The following ENOX2 variants were observed in gnomAD, a reference collection of about 807,000 sequenced individuals.
ENOX2 encodes the protein ecto-NOX disulfide-thiol exchanger 2, also known as APK1 antigen.
In ENOX2, 36 loss-of-function variants were observed where a neutral mutation model predicts 45.0. The observed-to-expected ratio is 0.80, with a 90% CI of 0.61 to 1.06. ENOX2 has a LOEUF of 1.06. Ranked by LOEUF, ENOX2 falls within the 50% of genes least tolerant of loss-of-function variation. ENOX2 has a pLI of 0.00. For synonymous variants in ENOX2, 174 were observed against 152.3 expected (o/e 1.14, Z -1.05); for missense variants, 423 against 462.5 (o/e 0.91, Z 0.78).
intron 3 of ENOX2, among the ~76,000 whole-genome samples, chrX:130,710,514 G>T (rs1371594926): frequency 9.0e-6 from 1 of 111,642 alleles, no homozygotes; most frequent in African/African-American, 3.3e-5. Context: ...GAGGCCAGGG[G>T]TTCTGCTAAA....
At chrX:130,779,491 G>A (rs1209406876) in intron 3 of ENOX2, among the ~76,000 whole-genome samples, 1 of 110,812 alleles carries the variant, frequency 9.0e-6, no homozygotes, top group Non-Finnish European at 1.9e-5. Context: ...GATTCCATTA[G>A]GGCCAGGTAT....
At chrX:130,852,404 A>C (rs1260697650) in intron 2 of ENOX2, among the ~76,000 whole-genome samples, 2 of 112,284 alleles carry the variant, frequency 1.8e-5, no homozygotes, top group Admixed American at 1.9e-4. Context: ...GACACTTTCC[A>C]AGGAGAGAGA....
chrX:130,851,249 T>G (rs2078202496), intron 2 of ENOX2, among the ~76,000 whole-genome samples: 1 of 112,040 alleles, frequency 8.9e-6, no homozygotes, highest in African/African-American at 3.2e-5. Context: ...GCCCTAATTT[T>G]TATTATGATA....
intron 3 of ENOX2, among the ~76,000 whole-genome samples, chrX:130,768,690 G>T (rs765950898): frequency 1.8e-5 from 2 of 111,956 alleles, no homozygotes; most frequent in South Asian, 7.5e-4. Context: ...CTGCTCCACA[G>T]GCAGGGAAGG....
chrX:130,814,277 G>A (rs904993179), intron 2 of ENOX2, among the ~76,000 whole-genome samples: 5 of 112,272 alleles, frequency 4.5e-5, no homozygotes, highest in Admixed American at 1.9e-4. Flanking sequence ...CCATCTCCCC[G>A]GGACAGAGCA....
intron 4 of ENOX2, among the ~76,000 whole-genome samples, chrX:130,693,757 C>A (rs189103914): frequency 2.7e-4 from 30 of 112,248 alleles, no homozygotes; most frequent in African/African-American, 9.1e-4. Context: ...CCCTTTGAAT[C>A]TGGATGGGCT....
intron 3 of ENOX2, chrX:130,709,249 A>G (rs1356594216): frequency 8.3e-7 from 1 of 1,205,171 alleles, no homozygotes; most frequent in Non-Finnish European, 1.1e-6. Context: ...TTACCTGCAT[A>G]GCCTATTTCG....
chrX:130,735,016 T>G (rs960601714), intron 3 of ENOX2, among the ~76,000 whole-genome samples: 2 of 112,418 alleles, frequency 1.8e-5, no homozygotes, highest in African/African-American at 3.2e-5. Flanking sequence ...CTTATGTGAA[T>G]GCCTGCTGCA....
At chrX:130,656,793 C>A in intron 9 of ENOX2, 98 bp from the exon 10 acceptor site, 2 of 511,931 alleles carry the variant, frequency 3.9e-6, no homozygotes, top group Non-Finnish European at 6.6e-6. Flanking sequence ...TTTTTTTTGA[C>A]ATATTAGGAA....
intron 5 of ENOX2, among the ~76,000 whole-genome samples, chrX:130,687,736 C>T (rs1052534877): frequency 9.0e-6 from 1 of 111,727 alleles, no homozygotes; most frequent in Non-Finnish European, 1.9e-5. Context: ...TTGACAACCA[C>T]GTTCAAAAAC....
chrX:130,663,779 T>C (rs1483080110), intron 9 of ENOX2, among the ~76,000 whole-genome samples: 1 of 111,512 alleles, frequency 9.0e-6, no homozygotes, highest in Non-Finnish European at 1.9e-5. Flanking sequence ...TCTCGACTTT[T>C]ATTCTTCTGA....
chrX:130,897,873 T>C (rs2079084132), intron 2 of ENOX2, among the ~76,000 whole-genome samples: 1 of 112,132 alleles, frequency 8.9e-6, no homozygotes, highest in East Asian at 2.8e-4. Flanking sequence ...TCTGTCAGCA[T>C]TGGTAAAGAG....
intron 2 of ENOX2, among the ~76,000 whole-genome samples, chrX:130,810,526 G>C (rs2077374188): frequency 1.8e-5 from 2 of 111,373 alleles, no homozygotes; most frequent in Non-Finnish European, 3.8e-5. Flanking sequence ...TGAAGCCTCA[G>C]ACTCCAGGCC....
intron 2 of ENOX2, among the ~76,000 whole-genome samples, chrX:130,876,891 GT>G (rs2078714299): frequency 9.0e-6 from 1 of 111,654 alleles, no homozygotes; most frequent in Admixed American, 9.5e-5. Context: ...ATTTCCTACC[GT>G]ATACTAGAGA....
intron 2 of ENOX2, among the ~76,000 whole-genome samples, chrX:130,788,572 C>G (rs1190467145): frequency 9.0e-6 from 1 of 111,473 alleles, no homozygotes; most frequent in Non-Finnish European, 1.9e-5. Context: ...TCTTGCTTAT[C>G]TTACCTAAAA....
intron 5 of ENOX2, among the ~76,000 whole-genome samples, chrX:130,682,266 C>T (rs1308872777): frequency 1.8e-5 from 2 of 110,028 alleles, no homozygotes; most frequent in East Asian, 2.8e-4. Context: ...CATGTGGTTA[C>T]TGTGGCAGTT....
intron 10 of ENOX2, among the ~76,000 whole-genome samples, chrX:130,639,829 A>G (rs780793330): frequency 8.9e-6 from 1 of 112,601 alleles, no homozygotes; most frequent in East Asian, 2.8e-4. Context: ...TAGACTGGAC[A>G]TAACTAAGGA....
rs138290606 is a variant in ENOX2 at position 130,811,342 on chromosome X, C to T, written c.-182-27652G>A. Among the ~76,000 whole-genome samples, 499 of 112,237 alleles carry T rather than the reference C, an allele frequency of 4.4e-3. 3 individuals carry two copies. The highest frequency in any genetic ancestry group is 6.1e-3 in the Non-Finnish European group (326 of 53,234). ...AGCCTCCAAGGATACAGTTTCCAGT[C>T]CTACCCTAATGGACTTAGGCTCCAG... On this transcript the variant is annotated intron_variant, in intron 2 of 14. Transcript: ENST00000394363.
chrX:130,811,041 T>C (rs906421704), intron 2 of ENOX2, among the ~76,000 whole-genome samples: 1 of 111,680 alleles, frequency 9.0e-6, no homozygotes, highest in Non-Finnish European at 1.9e-5. Context: ...TAGACCCTGG[T>C]TCCAGGACAG....
Sources: gnomAD v4.1 joint callset for allele counts (sites outside exome capture counted in the v4.1 genomes callset) on GRCh38, gnomAD v4.1.1 for gene constraint, MANE v1.5 for transcripts, NCBI Gene and HGNC (gene_info 2026-07-23, HGNC 2026-07-21) for gene names.